Variants in CNTNAP2 observed in about 807,000 individuals in gnomAD.
CNTNAP2 encodes the protein contactin-associated protein-like 2.
In CNTNAP2, 98 loss-of-function variants were observed where a neutral mutation model predicts 155.2. The observed-to-expected ratio is 0.63, with a 90% CI of 0.54 to 0.75. The LOEUF is 0.75. Among genes scored for constraint, CNTNAP2 ranks in the 30% least tolerant of loss-of-function variants. The pLI is 0.00. For synonymous variants in CNTNAP2, 651 were observed against 631.2 expected (o/e 1.03, Z -0.47); for missense variants, 1,727 against 1,688.1 (o/e 1.02, Z -0.40).
intron 3 of CNTNAP2, among the ~76,000 whole-genome samples, chr7:146,895,843 C>T (rs1198417098): frequency 1.3e-5 from 2 of 152,012 alleles, no homozygotes; most frequent in East Asian, 3.9e-4. Flanking sequence ...GCTTCAGTCC[C>T]CGACGGCATA....
chr7:146,338,546 G>A (rs1801318864), intron 1 of CNTNAP2, among the ~76,000 whole-genome samples: 1 of 152,008 alleles, frequency 6.6e-6, no homozygotes, highest in Non-Finnish European at 1.5e-5. Context: ...ACAGCCTGCT[G>A]TTTTCTTTGC....
chr7:147,760,995 A>G (rs951446619), intron 13 of CNTNAP2, among the ~76,000 whole-genome samples: 2 of 152,192 alleles, frequency 1.3e-5, no homozygotes, highest in Non-Finnish European at 2.9e-5. Flanking sequence ...ACTAGCACAC[A>G]GAAGAAGATT....
chr7:147,265,956 A>G (rs1323180600), intron 8 of CNTNAP2, among the ~76,000 whole-genome samples: 1 of 152,174 alleles, frequency 6.6e-6, no homozygotes, highest in Non-Finnish European at 1.5e-5. Flanking sequence ...AGCATCAACA[A>G]AAAAGTCCCC....
chr7:146,856,852 C>G (rs1795000228), intron 3 of CNTNAP2, among the ~76,000 whole-genome samples: 3 of 151,998 alleles, frequency 2.0e-5, no homozygotes, highest in African/African-American at 7.2e-5. Context: ...AATACATTGT[C>G]TATGTATCAG....
chr7:147,885,566 C>G (rs903051614), intron 13 of CNTNAP2, among the ~76,000 whole-genome samples: 1 of 152,106 alleles, frequency 6.6e-6, no homozygotes, highest in Non-Finnish European at 1.5e-5. Context: ...CCTTCATCAC[C>G]CTTTGGCTGG....
intron 18 of CNTNAP2, among the ~76,000 whole-genome samples, chr7:148,184,191 T>G (rs1288574751): frequency 6.6e-6 from 1 of 152,124 alleles, no homozygotes; most frequent in Admixed American, 6.6e-5. Flanking sequence ...TCCAGCATTT[T>G]GGGAGGCTGA....
intron 22 of CNTNAP2, among the ~76,000 whole-genome samples, chr7:148,393,313 T>C (rs987806976): frequency 6.6e-6 from 1 of 152,220 alleles, no homozygotes. Context: ...AGTCTTTTTA[T>C]TATGTTATTT....
intron 21 of CNTNAP2, among the ~76,000 whole-genome samples, chr7:148,281,830 G>A (rs767382048): frequency 1.2e-3 from 131 of 110,736 alleles, no homozygotes; most frequent in Non-Finnish European, 1.8e-3. Flanking sequence ...ACTTCACAAC[G>A]TTTCCTTTTT....
chr7:146,144,488 AAACAAC>A (rs1227740164), intron 1 of CNTNAP2, among the ~76,000 whole-genome samples: 2 of 152,178 alleles, frequency 1.3e-5, no homozygotes, highest in Non-Finnish European at 2.9e-5. Flanking sequence ...AATAGAAAAC[AAACAAC>A]AACAACAAAA....
chr7:147,169,160 CT>C (rs1335098466), intron 8 of CNTNAP2, among the ~76,000 whole-genome samples: 1 of 152,140 alleles, frequency 6.6e-6, no homozygotes, highest in Non-Finnish European at 1.5e-5. Flanking sequence ...CTATACGACT[CT>C]AATGAAAGCA....
intron 8 of CNTNAP2, among the ~76,000 whole-genome samples, chr7:147,231,074 G>A (rs907956088): frequency 6.6e-6 from 1 of 152,200 alleles, no homozygotes; most frequent in Non-Finnish European, 1.5e-5. Context: ...AGTGAAGCAA[G>A]CGGGAACTGC....
intron 1 of CNTNAP2, among the ~76,000 whole-genome samples, chr7:146,645,970 A>T (rs970433958): frequency 6.6e-6 from 1 of 152,150 alleles, no homozygotes; most frequent in Non-Finnish European, 1.5e-5. Flanking sequence ...CTGAAATTTC[A>T]TATTAAGCTA....
At chr7:148,101,950 C>CA (rs1426086276) in intron 15 of CNTNAP2, among the ~76,000 whole-genome samples, 1 of 151,800 alleles carries the variant, frequency 6.6e-6, no homozygotes, top group African/African-American at 2.4e-5. Flanking sequence ...ATGTCTAAGG[C>CA]AAAAAAAGAG....
At chr7:146,630,738 GA>G (rs1417082949) in intron 1 of CNTNAP2, among the ~76,000 whole-genome samples, 1 of 151,996 alleles carries the variant, frequency 6.6e-6, no homozygotes, top group Non-Finnish European at 1.5e-5. Flanking sequence ...CAGTGATGAT[GA>G]GCAAAAATCA....
chr7:148,383,938 A>G, intron 22 of CNTNAP2, 50 bp downstream of exon 22: 1 of 1,579,434 alleles, frequency 6.3e-7, no homozygotes, highest in Non-Finnish European at 8.6e-7. Flanking sequence ...TTTAAACCTC[A>G]GTCTCTTGGG....
intron 1 of CNTNAP2, among the ~76,000 whole-genome samples, chr7:146,393,191 A>T (rs767839021): frequency 1.3e-5 from 2 of 152,202 alleles, no homozygotes; most frequent in African/African-American, 2.4e-5. Flanking sequence ...AGAAGACTCT[A>T]CTCAGGTGCT....
intron 1 of CNTNAP2, among the ~76,000 whole-genome samples, chr7:146,127,559 A>G (rs1403847472): frequency 4.6e-5 from 7 of 152,226 alleles, no homozygotes; most frequent in African/African-American, 1.4e-4. Flanking sequence ...CATGCTGTGA[A>G]AGCTTACAAC....
intron 1 of CNTNAP2, among the ~76,000 whole-genome samples, chr7:146,478,734 T>C (rs1796916450): frequency 6.6e-6 from 1 of 151,874 alleles, no homozygotes; most frequent in Non-Finnish European, 1.5e-5. Flanking sequence ...ACAGCACATA[T>C]TAAACACACA....
At chr7:148,415,225 T>C (rs1799952968) in intron 23 of CNTNAP2, among the ~76,000 whole-genome samples, 192 bp from the exon 24 acceptor site, 1 of 152,226 alleles carries the variant, frequency 6.6e-6, no homozygotes, top group African/African-American at 2.4e-5. Context: ...GACAAGTTAC[T>C]CCTGTTTTTC....
Sources: gnomAD v4.1 joint callset for allele counts (sites outside exome capture counted in the v4.1 genomes callset) on GRCh38, gnomAD v4.1.1 for gene constraint, MANE v1.5 for transcripts, NCBI Gene and HGNC (gene_info 2026-07-23, HGNC 2026-07-21) for gene names.